The following VAV3 variants were observed in gnomAD, a reference collection of about 807,000 sequenced individuals.
VAV3 encodes the protein vav guanine nucleotide exchange factor 3.
VAV3 carries 94 observed loss-of-function variants against 131.2 expected under a neutral mutation model. That is an observed-to-expected ratio of 0.72 (90% CI 0.61 to 0.85). The LOEUF is 0.85. Ranked by LOEUF, VAV3 falls within the 40% of genes least tolerant of loss-of-function variation. The probability of loss-of-function intolerance (pLI) is 0.00; values close to 1 mark genes in which losing one functional copy is unlikely to be tolerated. For synonymous variants in VAV3, 349 were observed against 342.0 expected (o/e 1.02, Z -0.22); for missense variants, 939 against 1,002.7 (o/e 0.94, Z 0.86).
intron 10 of VAV3, among the ~76,000 whole-genome samples, chr1:107,758,263 C>A (rs981277271): frequency 6.6e-6 from 1 of 152,102 alleles, no homozygotes; most frequent in African/African-American, 2.4e-5. Flanking sequence ...TTCAGATCCT[C>A]ACGTTTTTCA....
At chr1:107,747,584 T>C (rs1570887025) in intron 15 of VAV3, among the ~76,000 whole-genome samples, 1 of 152,186 alleles carries the variant, frequency 6.6e-6, no homozygotes, top group South Asian at 2.1e-4. Context: ...GCAATAATAA[T>C]AGGTATCACC....
At chr1:107,808,008 G>A (rs1269211305) in intron 2 of VAV3, among the ~76,000 whole-genome samples, 1 of 152,104 alleles carries the variant, frequency 6.6e-6, no homozygotes, top group Non-Finnish European at 1.5e-5. Context: ...AATAATTGCG[G>A]CTATTTTCAT....
intron 2 of VAV3, among the ~76,000 whole-genome samples, chr1:107,802,752 G>A (rs1666884727): frequency 6.6e-6 from 1 of 152,032 alleles, no homozygotes; most frequent in Non-Finnish European, 1.5e-5. Flanking sequence ...ATATTGTGTT[G>A]AGGACTTTTG....
At chr1:107,842,741 G>A (rs149734524) in intron 2 of VAV3, among the ~76,000 whole-genome samples, 136 of 151,856 alleles carry the variant, frequency 9.0e-4, no homozygotes, top group African/African-American at 3.2e-3. Flanking sequence ...TTTTCTTCTT[G>A]TTCTCTATCA....
intron 20 of VAV3, among the ~76,000 whole-genome samples, chr1:107,622,025 T>G (rs1653644719): frequency 6.6e-6 from 1 of 152,170 alleles, no homozygotes; most frequent in Non-Finnish European, 1.5e-5. Context: ...TAATTTTCAT[T>G]CAATTATCTG....
chr1:107,873,607 G>A (rs538036284), intron 2 of VAV3, among the ~76,000 whole-genome samples: 7 of 152,206 alleles, frequency 4.6e-5, no homozygotes, highest in Admixed American at 1.3e-4. Flanking sequence ...AGACAAATGC[G>A]CTCCCATTTC....
rs1249262366 is a variant in VAV3 at position 107,574,261 on chromosome 1, A to G, written c.2351-63T>C. The G allele has an allele frequency of 3.8e-6, 6 of 1,565,098 alleles. No individual in the cohort carries two copies. In the East Asian group the frequency reaches 1.3e-4, roughly 35 times the overall value. On this transcript the variant is annotated intron_variant, in intron 25 of 26. Coordinates refer to ENST00000370056, the MANE Select transcript of VAV3 (RefSeq NM_006113.5). ...GTTCGTTAACAACCATAACAACCTA[A>G]TCAGATGAATGTTATTGATGCTATC...
intron 2 of VAV3, among the ~76,000 whole-genome samples, chr1:107,803,550 T>C (rs1666923474): frequency 6.6e-6 from 1 of 152,088 alleles, no homozygotes; most frequent in Non-Finnish European, 1.5e-5. Context: ...CATGTGTTTG[T>C]CTCATTTCAG....
rs372837070 is a variant in VAV3 at position 107,895,113 on chromosome 1, G to A, written c.205-20096C>T. Among the ~76,000 whole-genome samples the A allele has an allele frequency of 7.4e-4, 112 of 152,040 alleles. 1 individual carries two copies. In the South Asian group the frequency reaches 0.011, roughly 15 times the overall value. The stretch of plus-strand genomic sequence containing the variant: ...GAGTTTCTTGTCCAAGTCAGTTTGG[G>A]ACGAAGAGGAAAAAAAAAAGAGCTA... On this transcript the variant is annotated intron_variant, in intron 1 of 26. Transcript: ENST00000370056.
At chr1:107,677,083 T>C (rs570909911) in intron 19 of VAV3, among the ~76,000 whole-genome samples, 14 of 152,314 alleles carry the variant, frequency 9.2e-5, no homozygotes, top group Non-Finnish European at 1.5e-4. Flanking sequence ...ATTAAAAATT[T>C]AGAAGTCAAC....
At chr1:107,859,868 G>C (rs560828384) in intron 2 of VAV3, among the ~76,000 whole-genome samples, 2 of 152,152 alleles carry the variant, frequency 1.3e-5, no homozygotes, top group African/African-American at 4.8e-5. Context: ...CCATTGTGGA[G>C]AAAACTAGTA....
At chr1:107,798,718 C>CAAAA (rs57288177) in intron 2 of VAV3, among the ~76,000 whole-genome samples, 2 of 49,532 alleles carry the variant, frequency 4.0e-5, no homozygotes, top group Non-Finnish European at 6.9e-5. Flanking sequence ...GACTCCCTCT[C>CAAAA]AAAAAAAAAA....
intron 9 of VAV3, among the ~76,000 whole-genome samples, chr1:107,761,118 G>A (rs137931235): frequency 0.011 from 1,612 of 152,240 alleles, 25 homozygotes; most frequent in African/African-American, 0.022. Flanking sequence ...GGCCGGGCGC[G>A]GTGGCTCACG....
chr1:107,743,724 G>A (rs1663159010), intron 15 of VAV3, among the ~76,000 whole-genome samples: 1 of 152,058 alleles, frequency 6.6e-6, no homozygotes, highest in Admixed American at 6.5e-5. Flanking sequence ...AACAAATTAT[G>A]TTTGATGAAA....
At chr1:107,751,450 A>G (rs1479382496) in intron 12 of VAV3, among the ~76,000 whole-genome samples, 1 of 152,164 alleles carries the variant, frequency 6.6e-6, no homozygotes, top group African/African-American at 2.4e-5. Context: ...TAAAGGGGAA[A>G]TTAGCTATGA....
intron 2 of VAV3, among the ~76,000 whole-genome samples, chr1:107,871,023 C>A (rs1325847102): frequency 6.6e-6 from 1 of 152,084 alleles, no homozygotes; most frequent in Non-Finnish European, 1.5e-5. Context: ...CAACAGACAG[C>A]TCAGTAGGAA....
chr1:107,776,631 TTTC>T (rs1247858053), intron 4 of VAV3, among the ~76,000 whole-genome samples: 1 of 152,222 alleles, frequency 6.6e-6, no homozygotes, highest in African/African-American at 2.4e-5. Flanking sequence ...GCATAATCTA[TTTC>T]TTATTATGAT....
rs192973670 is a variant in VAV3, at chr1:107,893,744, C to A, written c.205-18727G>T. Among the ~76,000 whole-genome samples the A allele has an allele frequency of 3.9e-5, 6 of 152,248 alleles. No homozygotes were observed. In the East Asian group the frequency reaches 1.2e-3, roughly 29 times the overall value. ...ATTCAAGATGAGATTTGGGTGGGGA[C>A]ACAGCCAAACTATATCAGTGTTCTT... On this transcript the variant is annotated intron_variant, in intron 1 of 26. Transcript: ENST00000370056.
At chr1:107,817,001 C>A (rs935049125) in intron 2 of VAV3, among the ~76,000 whole-genome samples, 2 of 152,212 alleles carry the variant, frequency 1.3e-5, no homozygotes, top group Admixed American at 1.3e-4. Context: ...CACCCTCACA[C>A]CAAGCACCCA....
Sources: allele counts gnomAD v4.1 joint callset (sites outside exome capture counted in the v4.1 genomes callset), GRCh38; gene constraint gnomAD v4.1.1; transcripts MANE v1.5; gene names NCBI Gene and HGNC (gene_info 2026-07-23, HGNC 2026-07-21).